The following IQCE variants were observed in gnomAD, a reference collection of about 807,000 sequenced individuals.
IQCE encodes the protein IQ domain-containing protein E.
A neutral mutation model predicts 96.0 loss-of-function variants in IQCE; 115 were observed. The ratio of observed to expected loss-of-function variants is 1.20; its 90% CI spans 1.03 to 1.40. IQCE has a LOEUF of 1.40. IQCE is among the 40% of genes most tolerant of loss of function. The probability of loss-of-function intolerance (pLI) is 0.00; values close to 1 mark genes in which losing one functional copy is unlikely to be tolerated. For synonymous variants in IQCE, 412 were observed against 371.2 expected (o/e 1.11, Z -1.26); for missense variants, 1,041 against 909.1 (o/e 1.15, Z -1.87).
chr7:2,611,039 G>T lies in IQCE; in HGVS notation c.*877G>T, dbSNP rs1785080154. The T allele has an allele frequency of 6.6e-6, 1 of 151,872 alleles. No individual in the cohort carries two copies. The highest frequency in any genetic ancestry group is 1.5e-5 in the Non-Finnish European group (1 of 68,360). 9.4% of individuals were successfully genotyped at this position (151,872 alleles called of 1,614,324 possible). A position where few individuals can be genotyped will look rare whatever the true frequency, so the allele number is the denominator to read the frequency against. On this transcript the variant is annotated 3_prime_UTR_variant, in exon 22 of 22. Coordinates refer to ENST00000402050, the MANE Select transcript of IQCE (RefSeq NM_152558.5). ...AGGGACAGCATAGGCTCGTGGTGGGGCGTGTTGCATCTGGTGTCTGGGACA... is the reference window on the plus strand; with the variant it reads ...AGGGACAGCATAGGCTCGTGGTGGGTCGTGTTGCATCTGGTGTCTGGGACA...
In IQCE at chr7:2,586,209, C is replaced by T. The variant is rs770376079; in HGVS notation, c.826C>T (p.Pro276Ser). 7.4e-6 allele frequency: 12 copies of T among 1,612,774 alleles called. No individual in the cohort carries two copies. The highest frequency in any genetic ancestry group is 1.0e-5 in the Non-Finnish European group (12 of 1,179,588). The stretch of plus-strand genomic sequence containing the variant: ...CAGTCCACGATTTGGTTGTTCCAGG[C>T]CCCTGGGGGAGAAGAAGACGGGCGC... ...LASSETTGKK[P>S]LGEKKTGAKR... The change falls in exon 12 of 22, where the codon CCC becomes TCC. Residue 276 changes from proline (P) to serine (S), a missense_variant and splice_region_variant. Transcript: ENST00000402050.
intron 17 of IQCE, 118 bp from the exon 18 acceptor site, chr7:2,601,322 AG>A (rs1784415577): frequency 4.2e-6 from 3 of 712,286 alleles, no homozygotes; most frequent in Non-Finnish European, 7.4e-6. Context: ...GGGAGGAGCC[AG>A]GGCAGCCAGG....
intron 16 of IQCE, among the ~76,000 whole-genome samples, chr7:2,596,313 A>AGGAG (rs1177487884): frequency 6.6e-6 from 1 of 151,128 alleles, no homozygotes; most frequent in East Asian, 1.9e-4. Context: ...CTGAAAATAG[A>AGGAG]GGAGAGAGAG....
intron 13 of IQCE, among the ~76,000 whole-genome samples, chr7:2,588,586 C>T (rs1373076888): frequency 6.8e-6 from 1 of 146,616 alleles, no homozygotes; most frequent in Non-Finnish European, 1.5e-5. Flanking sequence ...ATCTCCTGAC[C>T]TCGTGATCCA....
chr7:2,578,653 C>T lies in IQCE; in HGVS notation c.630+127C>T, dbSNP rs1462015349. 1.8e-5 allele frequency: 18 copies of T among 1,010,914 alleles called. No homozygotes were observed. The African/African-American group carries it at 2.7e-4, about 15-fold the overall frequency. The allele number at this position is 1,010,914 out of a possible 1,614,324, so 62.6% of individuals were successfully genotyped here. A position where few individuals can be genotyped will look rare whatever the true frequency, so the allele number is the denominator to read the frequency against. ...AGCAGGCAGGGGGGAGGCTGCGGAC[C>T]CCCAAACCCTTCTCCACTGACACCT... is the stretch of plus-strand genomic sequence containing the variant. On this transcript the variant is annotated intron_variant, in intron 8 of 21. Transcript: ENST00000402050.
chr7:2,564,267 C>T (rs1414430820), intron 1 of IQCE, among the ~76,000 whole-genome samples: 4 of 151,904 alleles, frequency 2.6e-5, no homozygotes, highest in Non-Finnish European at 5.9e-5. Flanking sequence ...CTTGTGATTT[C>T]GTCTTAGACC....
chr7:2,610,052 C>A lies in IQCE; in HGVS notation c.1978C>A (p.Pro660Thr), dbSNP rs368687600. 6.3e-7 allele frequency: 1 copy of A among 1,587,806 alleles called. No individual in the cohort carries two copies. The highest frequency in any genetic ancestry group is 2.2e-5 in the East Asian group (1 of 44,764). The change falls in exon 22 of 22, where the codon CCC becomes ACC. Residue 660 changes from proline (P) to threonine (T), a missense_variant. Coordinates refer to ENST00000402050, the MANE Select transcript of IQCE (RefSeq NM_152558.5). Reference sequence around the variant, plus strand: ...GTGGTTCATTTCTGCAGACCCCTCTCCCTCAGGGCCACAGGCCTTGGCACC... The same window carrying A: ...GTGGTTCATTTCTGCAGACCCCTCTACCTCAGGGCCACAGGCCTTGGCACC... ...PFLAALPDPSPSGPQALAPLP... is the reference protein window; with the variant it reads ...PFLAALPDPSTSGPQALAPLP...
rs866452944 is a variant in IQCE, at chr7:2,605,052, A to G, written c.1743+61A>G. 4 of 1,198,584 alleles carry G rather than the reference A, an allele frequency of 3.3e-6. No homozygotes were observed. In the Middle Eastern group the frequency reaches 7.6e-4, roughly 226 times the overall value. The allele number at this position is 1,198,584 out of a possible 1,614,324, so 74.2% of individuals were successfully genotyped here. A position where few individuals can be genotyped will look rare whatever the true frequency, so the allele number is the denominator to read the frequency against. ...TGCAGAGCTGCTCGTCTCGCACTCC[A>G]TCCATCGAGAAAGCGTAGGGCACCC... is the stretch of plus-strand genomic sequence containing the variant. On this transcript the variant is annotated intron_variant, in intron 19 of 21. Coordinates refer to ENST00000402050, the MANE Select transcript of IQCE (RefSeq NM_152558.5).
At chr7:2,589,636 C>T (rs909938722) in intron 13 of IQCE, among the ~76,000 whole-genome samples, 8 of 152,062 alleles carry the variant, frequency 5.3e-5, no homozygotes, top group Non-Finnish European at 7.4e-5. Context: ...CCCCTCGTGC[C>T]CTCCTCTCTG....
chr7:2,560,434 C>T (rs574159734), intron 1 of IQCE, among the ~76,000 whole-genome samples: 47 of 152,308 alleles, frequency 3.1e-4, no homozygotes, highest in African/African-American at 1.1e-3. Flanking sequence ...AAGGAGACCA[C>T]AGGGTTCAGC....
In IQCE at chr7:2,583,718, T is replaced by C. The variant is rs763746622; in HGVS notation, c.774+9T>C. 1.4e-6 allele frequency: 2 copies of C among 1,432,064 alleles called. No individual in the cohort carries two copies. Among genetic ancestry groups the C allele is most frequent in the Non-Finnish European group, 1.9e-6 (2 of 1,072,820 alleles). 88.7% of individuals were successfully genotyped at this position (1,432,064 alleles called of 1,614,324 possible). A position where few individuals can be genotyped will look rare whatever the true frequency, so the allele number is the denominator to read the frequency against. On this transcript the variant is annotated intron_variant, in intron 10 of 21. Transcript: ENST00000402050. ...AGACATACTACGAGGAGGTGCGCCG[T>C]GCTGGGCGGCGGAGCGGAGGGCGGG...
rs2241795 is a variant in IQCE at position 2,590,231 on chromosome 7, C to A, written c.1244+125C>A. ...TGCTGCAGAGAGAGTAGGTCCTCCCCAGGCCCCGCCAGTGTCCCCACAGGC... is the reference window on the plus strand; with the variant it reads ...TGCTGCAGAGAGAGTAGGTCCTCCCAAGGCCCCGCCAGTGTCCCCACAGGC... On this transcript the variant is annotated intron_variant, in intron 14 of 21. Transcript: ENST00000402050. 155 of 215,244 alleles carry A rather than the reference C, an allele frequency of 7.2e-4. No homozygotes were observed. The African/African-American group carries it at 8.2e-3, about 11-fold the overall frequency. 13.3% of individuals were successfully genotyped at this position (215,244 alleles called of 1,614,324 possible). A position where few individuals can be genotyped will look rare whatever the true frequency, so the allele number is the denominator to read the frequency against.
rs1783114382 is a variant in IQCE, at chr7:2,586,377, T to C, written c.988+6T>C. On this transcript the variant is annotated splice_donor_region_variant and intron_variant, in intron 12 of 21. Coordinates refer to ENST00000402050, the MANE Select transcript of IQCE (RefSeq NM_152558.5). ...AACCATCTCCAAGACACAGGGTACC[T>C]TCCTGAAAGCCACTCCAGGAGGGAG... 1 of 1,606,132 alleles carries C rather than the reference T, an allele frequency of 6.2e-7. No homozygotes were observed. Among genetic ancestry groups the C allele is most frequent in the African/African-American group, 1.4e-5 (1 of 72,832 alleles).
Position 2,559,231 on chromosome 7 carries a change from A to AG in IQCE, c.36+19dup. 8.4e-7 allele frequency: 1 copy of AG among 1,195,868 alleles called. No homozygotes were observed. Among genetic ancestry groups the AG allele is most frequent in the East Asian group, 3.5e-5 (1 of 28,410 alleles). 74.1% of individuals were successfully genotyped at this position (1,195,868 alleles called of 1,614,324 possible). A position where few individuals can be genotyped will look rare whatever the true frequency, so the allele number is the denominator to read the frequency against. ...GCCTTGGACACGGTAAGAACGGGCG[A>AG]GGGGGCGACGCCGGGCGGGCGTCCG... On this transcript the variant is annotated intron_variant, in intron 1 of 21. Transcript: ENST00000402050.
intron 14 of IQCE, 46 bp downstream of exon 14, chr7:2,590,152 C>T (rs758509116): frequency 6.5e-7 from 1 of 1,539,604 alleles, no homozygotes; most frequent in South Asian, 1.2e-5. Flanking sequence ...GGCACAGGTG[C>T]TGCAGAGAGA....
chr7:2,573,778 G>A lies in IQCE; in HGVS notation c.465+290G>A, dbSNP rs553778915. Among the ~76,000 whole-genome samples, 5 of 152,292 alleles carry A rather than the reference G, an allele frequency of 3.3e-5. No homozygotes were observed. The East Asian group carries it at 9.6e-4, about 29-fold the overall frequency. ...ACTAGATTAGCTTCAGAGTCGCCTT[G>A]CGTCCTGAGATTGGGTACTGTGATA... On this transcript the variant is annotated intron_variant, in intron 6 of 21. Transcript: ENST00000402050.
intron 16 of IQCE, among the ~76,000 whole-genome samples, chr7:2,596,313 A>AGG (rs1784035070): frequency 1.3e-5 from 2 of 151,128 alleles, no homozygotes; most frequent in African/African-American, 4.9e-5. Context: ...CTGAAAATAG[A>AGG]GGAGAGAGAG....
At chr7:2,594,215 A>T (rs997725349) in intron 15 of IQCE, among the ~76,000 whole-genome samples, 1 of 152,240 alleles carries the variant, frequency 6.6e-6, no homozygotes, top group South Asian at 2.1e-4. Context: ...AGCAGAGAGC[A>T]TGCCACTGTC....
At chr7:2,591,973 G>A (rs1182746413) in intron 14 of IQCE, among the ~76,000 whole-genome samples, 1 of 92,104 alleles carries the variant, frequency 1.1e-5, no homozygotes, top group East Asian at 4.0e-4. Flanking sequence ...CACCGCACCC[G>A]GGCCTGCCTC....
Sources: allele counts gnomAD v4.1 joint callset (sites outside exome capture counted in the v4.1 genomes callset), GRCh38; gene constraint gnomAD v4.1.1; transcripts MANE v1.5; gene names NCBI Gene and HGNC (gene_info 2026-07-23, HGNC 2026-07-21).